Variants in ALG13 observed in about 807,000 individuals in gnomAD.
ALG13 encodes the protein ALG13 UDP-N-acetylglucosaminyltransferase subunit, also known as UDP-N-acetylglucosamine transferase subunit ALG13.
A neutral mutation model predicts 87.8 loss-of-function variants in ALG13; 11 were observed. The ratio of observed to expected loss-of-function variants is 0.13; its 90% CI spans 0.08 to 0.21. The LOEUF is 0.21. Ranked by LOEUF, ALG13 falls within the 10% of genes least tolerant of loss-of-function variation. ALG13 has a pLI of 1.00. For synonymous variants in ALG13, 320 were observed against 306.3 expected, an observed-to-expected ratio of 1.04 and a Z score of -0.47; for missense variants, 756 against 866.1, an observed-to-expected ratio of 0.87 and a Z score of 1.60.
intron 24 of ALG13, among the ~76,000 whole-genome samples, chrX:111,750,652 T>C (rs1435779850): frequency 1.0e-4 from 11 of 109,805 alleles, no homozygotes; most frequent in African/African-American, 3.3e-4. Context: ...TGTTTGTTTA[T>C]TTACTTATTT....
chrX:111,730,219 G>T (rs1942523016), intron 19 of ALG13, among the ~76,000 whole-genome samples, 176 bp from the exon 20 acceptor site: 1 of 112,334 alleles, frequency 8.9e-6, no homozygotes, highest in Non-Finnish European at 1.9e-5. Context: ...CTAGTCTGTG[G>T]CTTCAATATC....
chrX:111,748,204 ATGT>A (rs1314748017), intron 24 of ALG13, among the ~76,000 whole-genome samples: 1 of 112,245 alleles, frequency 8.9e-6, no homozygotes, highest in Non-Finnish European at 1.9e-5. Context: ...TATATCAGGT[ATGT>A]CTTTTGCAAG....
intron 24 of ALG13, among the ~76,000 whole-genome samples, chrX:111,751,700 A>G (rs926407630): frequency 9.0e-6 from 1 of 111,701 alleles, no homozygotes. Flanking sequence ...GCTCCTATAT[A>G]ATAGTCAAAA....
In ALG13 at chrX:111,681,197, C is replaced by G. The variant is rs944954789; in HGVS notation, c.-22C>G. The G allele has an allele frequency of 8.3e-7, 1 of 1,206,165 alleles. No individual in the cohort carries two copies. Among genetic ancestry groups the G allele is most frequent in the Admixed American group, 2.2e-5 (1 of 46,065 alleles). Reference sequence around the variant, plus strand: ...TTGCGTCATATCCGGCCCTTGCGATCAGGGCTTGAGGAACCCGCGCCATGA... The same window carrying G: ...TTGCGTCATATCCGGCCCTTGCGATGAGGGCTTGAGGAACCCGCGCCATGA... On this transcript the variant is annotated 5_prime_UTR_variant, in exon 1 of 27. The change creates a new upstream start codon in the 5' untranslated region. Coordinates refer to ENST00000394780, the MANE Select transcript of ALG13 (RefSeq NM_001099922.3).
At chrX:111,759,144 ATT>A (rs60549732) in intron 26 of ALG13, among the ~76,000 whole-genome samples, 42 of 92,640 alleles carry the variant, frequency 4.5e-4, no homozygotes, top group African/African-American at 9.5e-4. Flanking sequence ...CAAGTAATGA[ATT>A]TTTTTTTTTT....
At chrX:111,688,595 A>G (rs1935554815) in intron 3 of ALG13, 1 of 746,588 alleles carries the variant, frequency 1.3e-6, no homozygotes, top group Non-Finnish European at 1.6e-6. Flanking sequence ...ACAAAGTGAT[A>G]AAATAATCGT....
chrX:111,695,625 A>G (rs190572320), intron 3 of ALG13, among the ~76,000 whole-genome samples: 1 of 111,818 alleles, frequency 8.9e-6, no homozygotes, highest in Admixed American at 9.5e-5. Flanking sequence ...TTGTCATGCT[A>G]TCAGGTGGAA....
chrX:111,741,469 C>G (rs948820988), intron 23 of ALG13, among the ~76,000 whole-genome samples: 7 of 111,859 alleles, frequency 6.3e-5, no homozygotes, highest in Non-Finnish European at 1.1e-4. Context: ...ATTAAAATAA[C>G]TCATTAAGCA....
intron 3 of ALG13, among the ~76,000 whole-genome samples, chrX:111,691,208 C>G (rs1472234714): frequency 9.0e-6 from 1 of 110,996 alleles, no homozygotes; most frequent in Admixed American, 9.6e-5. Flanking sequence ...TCAAGTGATT[C>G]TCCTGTCTCT....
intron 25 of ALG13, among the ~76,000 whole-genome samples, chrX:111,754,253 A>G (rs921499883): frequency 2.7e-5 from 3 of 111,755 alleles, no homozygotes; most frequent in African/African-American, 3.3e-5. Context: ...TCTATAAACT[A>G]GGTATTGATG....
At chrX:111,730,345 TAAA>T in intron 19 of ALG13, 47 bp from the exon 20 acceptor site, 1 of 1,152,969 alleles carries the variant, frequency 8.7e-7, no homozygotes, top group Non-Finnish European at 1.2e-6. Context: ...TCTGCTGAGC[TAAA>T]AAGACCTATA....
intron 3 of ALG13, among the ~76,000 whole-genome samples, chrX:111,691,894 C>A (rs143261564): frequency 0.015 from 1,656 of 112,116 alleles, 34 homozygotes; most frequent in African/African-American, 0.049. Context: ...AAATCTTTTT[C>A]TTTTTTCTTA....
chrX:111,695,264 C>G (rs1193150164), intron 3 of ALG13, among the ~76,000 whole-genome samples: 1 of 111,561 alleles, frequency 9.0e-6, no homozygotes, highest in Non-Finnish European at 1.9e-5. Context: ...GGGCTCATGC[C>G]TGTAATCCCA....
chrX:111,686,263 T>C, intron 3 of ALG13: 2 of 393,898 alleles, frequency 5.1e-6, no homozygotes, highest in Non-Finnish European at 3.8e-6. Context: ...TATATATGTG[T>C]ATATATATAT....
intron 3 of ALG13, among the ~76,000 whole-genome samples, chrX:111,701,441 T>C (rs1051224765): frequency 9.0e-6 from 1 of 111,715 alleles, no homozygotes; most frequent in Non-Finnish European, 1.9e-5. Context: ...AGGTTGTATG[T>C]GTCTAGGAAC....
chrX:111,738,579 C>A (rs1943452921), intron 23 of ALG13, among the ~76,000 whole-genome samples: 1 of 111,486 alleles, frequency 9.0e-6, no homozygotes, highest in Non-Finnish European at 1.9e-5. Flanking sequence ...TGCTCTGTCA[C>A]CAAGGCTGGA....
intron 3 of ALG13, among the ~76,000 whole-genome samples, chrX:111,687,238 C>T (rs1429756220): frequency 8.9e-6 from 1 of 112,651 alleles, no homozygotes; most frequent in Non-Finnish European, 1.9e-5. Context: ...AGCCACCACA[C>T]CCAGCCAATA....
At chrX:111,757,236 G>C in intron 25 of ALG13, 1 of 147,393 alleles carries the variant, frequency 6.8e-6, no homozygotes, top group Non-Finnish European at 1.3e-5. Flanking sequence ...TGCCTGTATA[G>C]TATTTCATTA....
rs375681470 is a variant in ALG13, at chrX:111,744,952, A to G, written c.2932+48A>G. The G allele has an allele frequency of 9.0e-5, 93 of 1,036,792 alleles. 4 individuals are homozygous for G. The highest frequency in any genetic ancestry group is 6.1e-4 in the African/African-American group (33 of 53,807). The allele number at this position is 1,036,792 out of a possible 1,213,427, so 85.4% of individuals were successfully genotyped here. A position where few individuals can be genotyped will look rare whatever the true frequency, so the allele number is the denominator to read the frequency against. On this transcript the variant is annotated intron_variant, in intron 24 of 26. Coordinates refer to ENST00000394780, the MANE Select transcript of ALG13 (RefSeq NM_001099922.3). Reference sequence around the variant, plus strand: ...GTGAGGGATCTGAGACTTAAAAAATATTGTTAGAGCATATCTCTCTTTGGT... The same window carrying G: ...GTGAGGGATCTGAGACTTAAAAAATGTTGTTAGAGCATATCTCTCTTTGGT...
Sources: gnomAD v4.1 joint callset for allele counts (sites outside exome capture counted in the v4.1 genomes callset) on GRCh38, gnomAD v4.1.1 for gene constraint, MANE v1.5 for transcripts, NCBI Gene and HGNC (gene_info 2026-07-23, HGNC 2026-07-21) for gene names.